The following SLC27A6 variants were observed in gnomAD, a reference collection of about 807,000 sequenced individuals.
The protein encoded by SLC27A6 is solute carrier family 27 member 6.
Under a neutral mutation model 63.9 loss-of-function variants are expected in SLC27A6, and 74 were observed. The observed-to-expected ratio is 1.16, with a 90% confidence interval of 0.96 to 1.40. SLC27A6 has a LOEUF of 1.40. Ranked by LOEUF, SLC27A6 falls within the 40% of genes most tolerant of loss-of-function variation. The pLI is 0.00. For missense variants in SLC27A6, 794 were observed against 732.9 expected (o/e 1.08, Z -0.96); for synonymous variants, 287 against 260.8 (o/e 1.10, Z -0.97).
intron 4 of SLC27A6, 48 bp from the exon 5 acceptor site, chr5:129,015,837 G>T: frequency 7.8e-7 from 1 of 1,276,788 alleles, no homozygotes; most frequent in East Asian, 2.4e-5. Flanking sequence ...AATAAAGAAA[G>T]AATTAGAAAC....
At chr5:129,014,277 G>A (rs1373173350) in intron 4 of SLC27A6, among the ~76,000 whole-genome samples, 2 of 152,176 alleles carry the variant, frequency 1.3e-5, no homozygotes, top group African/African-American at 2.4e-5. Flanking sequence ...GACCAGCGTA[G>A]CCTCTAGGTG....
chr5:128,994,001 G>C (rs1561619521), intron 4 of SLC27A6, among the ~76,000 whole-genome samples: 1 of 151,774 alleles, frequency 6.6e-6, no homozygotes, highest in Non-Finnish European at 1.5e-5. Context: ...GAAACGATCT[G>C]TACTAAAAAT....
intron 4 of SLC27A6, among the ~76,000 whole-genome samples, chr5:129,006,456 T>C (rs1751542514): frequency 6.6e-6 from 1 of 150,768 alleles, no homozygotes; most frequent in African/African-American, 2.4e-5. Context: ...AGTGTGTGTG[T>C]GTGTGTGTGT....
chr5:128,985,191 G>A lies in SLC27A6; in HGVS notation c.540G>A (p.Trp180Ter), dbSNP rs779569200. ...LPSLSENISV[W>*]GMKDSVPQGV... ...GCCTCTCAGAAAATATCAGTGTTTG[G>A]GGGATGAAAGATTCTGTTCCACAAG... The change falls in exon 2 of 10, where the codon TGG (tryptophan) becomes TGA (stop). Residue 180 changes from tryptophan to a stop codon, truncating the protein, a stop_gained. Transcript: ENST00000262462. LOFTEE classifies it high-confidence loss of function. The A allele has an allele frequency of 1.2e-5, 20 of 1,613,808 alleles. No homozygotes were observed. Among genetic ancestry groups the A allele is most frequent in the Non-Finnish European group, 1.7e-5 (20 of 1,179,906 alleles).
Position 128,965,887 on chromosome 5 carries a change from C to A in SLC27A6, c.-251C>A. On this transcript the variant is annotated 5_prime_UTR_variant, in exon 1 of 10. Transcript: ENST00000262462. The stretch of plus-strand genomic sequence containing the variant: ...GGTTTCTCGCAGGAGTCGGAGGCTC[C>A]CTGCTTTCCAGCCGCCCAGTGACCC... 1 of 379,998 alleles carries A rather than the reference C, an allele frequency of 2.6e-6. No homozygotes were observed. Among genetic ancestry groups the A allele is most frequent in the Non-Finnish European group, 4.7e-6 (1 of 213,068 alleles). The allele number at this position is 379,998 out of a possible 1,614,324, so 23.5% of individuals were successfully genotyped here. A position where few individuals can be genotyped will look rare whatever the true frequency, so the allele number is the denominator to read the frequency against.
intron 1 of SLC27A6, among the ~76,000 whole-genome samples, chr5:128,982,017 T>A (rs1322690674): frequency 6.6e-6 from 1 of 152,086 alleles, no homozygotes; most frequent in Non-Finnish European, 1.5e-5. Flanking sequence ...TTTCACCATG[T>A]TGGCCAGGCT....
At chr5:129,029,796 A>G (rs2289215) in intron 9 of SLC27A6, 89 bp downstream of exon 9, 246,021 of 1,186,186 alleles carry the variant, frequency 0.21, 26,663 homozygotes, top group South Asian at 0.27. Context: ...TCCTTTAGAT[A>G]ACATGTGAGT....
intron 3 of SLC27A6, 117 bp downstream of exon 3, chr5:128,988,875 T>C: frequency 2.9e-6 from 2 of 686,568 alleles, no homozygotes; most frequent in Non-Finnish European, 2.4e-6. Context: ...CATATTATTT[T>C]ATTATAACAC....
chr5:128,987,480 G>C (rs1308313688), intron 2 of SLC27A6, among the ~76,000 whole-genome samples: 1 of 152,006 alleles, frequency 6.6e-6, no homozygotes, highest in Admixed American at 6.6e-5. Flanking sequence ...TTCTAGATTA[G>C]ATTGAGACCA....
chr5:128,981,163 G>C (rs1022298453), intron 1 of SLC27A6, among the ~76,000 whole-genome samples: 1 of 152,096 alleles, frequency 6.6e-6, no homozygotes. Flanking sequence ...CTACAATGTA[G>C]ACTTTGTTAA....
intron 3 of SLC27A6, among the ~76,000 whole-genome samples, chr5:128,989,006 C>T (rs1750885075): frequency 6.6e-6 from 1 of 152,186 alleles, no homozygotes; most frequent in Non-Finnish European, 1.5e-5. Flanking sequence ...CTGGGCTTCT[C>T]TCTCCTTGTA....
At chr5:129,014,381 G>T (rs989595819) in intron 4 of SLC27A6, among the ~76,000 whole-genome samples, 2 of 152,192 alleles carry the variant, frequency 1.3e-5, no homozygotes, top group Non-Finnish European at 2.9e-5. Context: ...GGTGATGGCA[G>T]TGTCTTATGG....
At chr5:129,014,227 A>T (rs948193135) in intron 4 of SLC27A6, among the ~76,000 whole-genome samples, 14 of 152,296 alleles carry the variant, frequency 9.2e-5, no homozygotes, top group African/African-American at 3.1e-4. Context: ...CTAAGCAAAG[A>T]GCTTATTTGG....
Position 128,988,727 on chromosome 5 carries a change from T to C in SLC27A6, c.813T>C (p.Ala271=), listed in dbSNP as rs779215595. Reference sequence around the variant, plus strand: ...TTCCTCTGTATCATAGTTCAGCAGCTATCCTGGGAATTTCTGGATGTGTTG... The same window carrying C: ...TTCCTCTGTATCATAGTTCAGCAGCCATCCTGGGAATTTCTGGATGTGTTG... ...ITLPLYHSSA[A]ILGISGCVEL... is the part of the protein sequence containing the mutation. The change falls in exon 3 of 10, where the codon GCT becomes GCC. Residue 271 remains alanine, a synonymous_variant. Transcript: ENST00000262462. 10 of 1,613,078 alleles carry C rather than the reference T, an allele frequency of 6.2e-6. No individual in the cohort carries two copies. In the Admixed American group the frequency reaches 1.2e-4, roughly 19 times the overall value.
chr5:128,996,759 G>C (rs951830160), intron 4 of SLC27A6, among the ~76,000 whole-genome samples: 8 of 143,874 alleles, frequency 5.6e-5, no homozygotes, highest in Non-Finnish European at 1.2e-4. Flanking sequence ...GTCATATCTA[G>C]ATATGATATG....
intron 5 of SLC27A6, 42 bp downstream of exon 5, chr5:129,016,121 G>C (rs540923310): frequency 7.0e-7 from 1 of 1,423,568 alleles, no homozygotes; most frequent in Non-Finnish European, 9.6e-7. Flanking sequence ...ACATCGGTGC[G>C]GTGGCTCATA....
At chr5:128,981,759 AAT>A (rs869081937) in intron 1 of SLC27A6, among the ~76,000 whole-genome samples, 2 of 152,100 alleles carry the variant, frequency 1.3e-5, no homozygotes, top group East Asian at 3.9e-4. Context: ...GTGTCAAGAC[AAT>A]ATTCAGAATT....
In SLC27A6 at chr5:129,029,708, G is replaced by T. The variant is rs1195564044; in HGVS notation, c.1683+1G>T. ...TTGTCCACGATTTTTAAGAATTCAGGTAATTTTAGTGGCGGAGTTTACTAT... is the reference window on the plus strand; with the variant it reads ...TTGTCCACGATTTTTAAGAATTCAGTTAATTTTAGTGGCGGAGTTTACTAT... On this transcript the variant is annotated splice_donor_variant, in intron 9 of 9. Transcript: ENST00000262462. LOFTEE classifies it high-confidence loss of function. The T allele has an allele frequency of 6.3e-7, 1 of 1,593,536 alleles. No homozygotes were observed. Among genetic ancestry groups the T allele is most frequent in the South Asian group, 1.2e-5 (1 of 86,560 alleles).
Position 128,985,328 on chromosome 5 carries a change from G to C in SLC27A6, c.677G>C (p.Gly226Ala), listed in dbSNP as rs1419601664. ...ACTTGTCTTTACATTTTTACCTCTG[G>C]AACAACAGGTATGATCCAATTCTTT... Reference protein sequence around the residue: ...KSTCLYIFTSGTTGLPKAAVI... With the variant: ...KSTCLYIFTSATTGLPKAAVI... Residue 226 changes from glycine to alanine, a missense_variant, in exon 2 of 10, where the codon GGA (glycine) becomes GCA (alanine). Gly to Ala is a moderately conservative substitution (Grantham distance 60). Transcript: ENST00000262462. 1.9e-6 allele frequency: 3 copies of C among 1,613,436 alleles called. No individual in the cohort carries two copies. The African/African-American group carries it at 4.0e-5, about 22-fold the overall frequency.
Sources: allele counts gnomAD v4.1 joint callset (sites outside exome capture counted in the v4.1 genomes callset), GRCh38; gene constraint gnomAD v4.1.1; transcripts MANE v1.5; gene names NCBI Gene and HGNC (gene_info 2026-07-23, HGNC 2026-07-21).